UGGT2: variants seen among roughly 807,000 people sequenced by gnomAD.
UGGT2 encodes the protein UDP-glucose:glycoprotein glucosyltransferase 2.
UGGT2 carries 180 observed loss-of-function variants against 192.1 expected under a neutral mutation model. The ratio of observed to expected loss-of-function variants is 0.94; its 90% CI spans 0.83 to 1.06. UGGT2 has a LOEUF of 1.06. Among genes scored for constraint, UGGT2 ranks in the 50% least tolerant of loss-of-function variants. UGGT2 has a pLI of 0.00. For missense variants in UGGT2, 1,849 were observed against 1,795.7 expected (o/e 1.03, Z -0.54); for synonymous variants, 580 against 591.0 (o/e 0.98, Z 0.27).
Position 95,900,375 on chromosome 13 carries a change from T to C in UGGT2, c.2634+432A>G, listed in dbSNP as rs187299521. ...TTAATAAATACTACATGGCAATTTA[T>C]ACTACTTGATACTTCAAAACTGAAA... On this transcript the variant is annotated intron_variant, in intron 22 of 38. Transcript: ENST00000376747. Among the ~76,000 whole-genome samples, 14 of 152,284 alleles carry C rather than the reference T, an allele frequency of 9.2e-5. No homozygotes were observed. In the East Asian group the frequency reaches 2.5e-3, roughly 27 times the overall value.
chr13:96,022,109 T>C (rs1472455007), intron 4 of UGGT2, among the ~76,000 whole-genome samples: 1 of 151,894 alleles, frequency 6.6e-6, no homozygotes, highest in Non-Finnish European at 1.5e-5. Context: ...GGCACTACTA[T>C]AAGAAATAGA....
intron 36 of UGGT2, among the ~76,000 whole-genome samples, chr13:95,842,522 A>C (rs980123505): frequency 6.6e-6 from 1 of 152,132 alleles, no homozygotes; most frequent in Non-Finnish European, 1.5e-5. Flanking sequence ...GCTTCCAATA[A>C]TTCCTGACTT....
At chr13:95,930,264 AAT>A (rs2049202915) in intron 17 of UGGT2, among the ~76,000 whole-genome samples, 1 of 151,940 alleles carries the variant, frequency 6.6e-6, no homozygotes, top group Admixed American at 6.6e-5. Flanking sequence ...TGTACTCTTT[AAT>A]TAATTAGGTC....
chr13:95,886,780 T>C (rs1211359995), intron 26 of UGGT2, among the ~76,000 whole-genome samples: 1 of 152,170 alleles, frequency 6.6e-6, no homozygotes, highest in Non-Finnish European at 1.5e-5. Context: ...CAGTGGCTCA[T>C]GCCTATAATC....
At chr13:96,053,117 C>A (rs1297760558) in intron 1 of UGGT2, 38 bp downstream of exon 1, 2 of 1,441,068 alleles carry the variant, frequency 1.4e-6, no homozygotes, top group Non-Finnish European at 1.8e-6. Flanking sequence ...TGGCAGCGCG[C>A]CCACACCCGC....
intron 20 of UGGT2, among the ~76,000 whole-genome samples, chr13:95,913,381 C>G (rs1285942119): frequency 2.0e-5 from 3 of 152,204 alleles, no homozygotes; most frequent in Non-Finnish European, 4.4e-5. Context: ...AGAACTCAAA[C>G]AAACTTATAA....
At chr13:95,942,014 T>G (rs963790132) in intron 15 of UGGT2, among the ~76,000 whole-genome samples, 1 of 152,244 alleles carries the variant, frequency 6.6e-6, no homozygotes, top group Non-Finnish European at 1.5e-5. Flanking sequence ...TATGGTATGG[T>G]GTTAGTCTTC....
intron 33 of UGGT2, among the ~76,000 whole-genome samples, chr13:95,858,105 C>A (rs551039075): frequency 6.6e-6 from 1 of 150,912 alleles, no homozygotes; most frequent in Non-Finnish European, 1.5e-5. Flanking sequence ...GGTCTGAATG[C>A]CTGGGTTCAA....
At chr13:95,817,248 G>A (rs1884998089) in intron 38 of UGGT2, among the ~76,000 whole-genome samples, 1 of 152,240 alleles carries the variant, frequency 6.6e-6, no homozygotes, top group South Asian at 2.1e-4. Context: ...TAATCAGTAA[G>A]TATAAGGGTA....
At chr13:95,964,288 A>T (rs1210988189) in intron 12 of UGGT2, among the ~76,000 whole-genome samples, 2 of 152,170 alleles carry the variant, frequency 1.3e-5, no homozygotes, top group African/African-American at 4.8e-5. Context: ...AAGCTAGACC[A>T]CCATCACTTA....
chr13:95,994,499 C>T (rs2051556285), intron 7 of UGGT2, among the ~76,000 whole-genome samples: 1 of 151,360 alleles, frequency 6.6e-6, no homozygotes. Flanking sequence ...TTTTGTGAAA[C>T]TATTTTAATA....
chr13:96,003,648 C>CT (rs2051877860), intron 5 of UGGT2, among the ~76,000 whole-genome samples: 1 of 152,102 alleles, frequency 6.6e-6, no homozygotes, highest in Admixed American at 6.6e-5. Context: ...GAATCATAGT[C>CT]TAACTCTTGG....
chr13:95,843,993 T>A (rs1340800781), intron 36 of UGGT2, among the ~76,000 whole-genome samples: 1 of 152,190 alleles, frequency 6.6e-6, no homozygotes, highest in Non-Finnish European at 1.5e-5. Context: ...AGAGTTTTGT[T>A]CTTGTCGCCC....
chr13:96,031,945 T>C lies in UGGT2; in HGVS notation c.185A>G (p.Glu62Gly), dbSNP rs142637925. ...AGTTTCCAAAAACTGCCAAAATTTT[T>C]CATTACTTTCTTCTGCCATAAATTC... ...ASEFMAEESN[E>G]KFWQFLETVQ... The change falls in exon 2 of 39, where the codon GAA (glutamate) becomes GGA (glycine). Residue 62 changes from glutamate (E) to glycine (G), a missense_variant. Transcript: ENST00000376747. The C allele has an allele frequency of 3.5e-5, 56 of 1,611,286 alleles. 1 individual carries two copies. The African/African-American group carries it at 6.4e-4, about 18-fold the overall frequency.
chr13:95,832,710 G>A (rs1886847404), intron 38 of UGGT2: 1 of 640,698 alleles, frequency 1.6e-6, no homozygotes, highest in African/African-American at 1.8e-5. Context: ...TCCATATAGA[G>A]TTATGAGCTG....
At chr13:95,828,487 T>C (rs1886290799) in intron 38 of UGGT2, among the ~76,000 whole-genome samples, 1 of 152,008 alleles carries the variant, frequency 6.6e-6, no homozygotes, top group African/African-American at 2.4e-5. Flanking sequence ...AAAGGGGATA[T>C]CACCACTGAT....
Position 95,927,227 on chromosome 13 carries a change from AAATT to A in UGGT2, c.2083_2086del (p.Asn695Ter). 6.2e-7 allele frequency: 1 copy of A among 1,611,644 alleles called. No individual in the cohort carries two copies. Among genetic ancestry groups the A allele is most frequent in the African/African-American group, 1.3e-5 (1 of 75,016 alleles). On this transcript the variant is annotated frameshift_variant, in exon 18 of 39. Transcript: ENST00000376747. LOFTEE classifies it high-confidence loss of function. ...GATTATTTTACCTGATGTAGATATT[AAATT>A]GAGGTACTGCTGGTTAGTACGCAAA...
intron 31 of UGGT2, among the ~76,000 whole-genome samples, chr13:95,862,248 A>G (rs1890232074): frequency 6.6e-6 from 1 of 152,180 alleles, no homozygotes; most frequent in East Asian, 1.9e-4. Flanking sequence ...AAAATCCAAA[A>G]TGATAGAAGT....
At chr13:95,819,069 T>C (rs1333937585) in intron 38 of UGGT2, among the ~76,000 whole-genome samples, 1 of 152,118 alleles carries the variant, frequency 6.6e-6, no homozygotes, top group Non-Finnish European at 1.5e-5. Flanking sequence ...AGGCTAACAT[T>C]CATACAGTTA....
Sources: gnomAD v4.1 joint callset for allele counts (sites outside exome capture counted in the v4.1 genomes callset) on GRCh38, gnomAD v4.1.1 for gene constraint, MANE v1.5 for transcripts, NCBI Gene and HGNC (gene_info 2026-07-23, HGNC 2026-07-21) for gene names.